The following FRMPD4 variants were observed in gnomAD, a reference collection of about 807,000 sequenced individuals.
FRMPD4 encodes the protein FERM and PDZ domain containing 4.
Under a neutral mutation model 94.1 loss-of-function variants are expected in FRMPD4, and 22 were observed. That is an observed-to-expected ratio of 0.23 (90% CI 0.17 to 0.33). The LOEUF is 0.33. FRMPD4 is among the 10% of genes least tolerant of loss of function. FRMPD4 has a pLI of 1.00. For synonymous variants in FRMPD4, 631 were observed against 548.6 expected (o/e 1.15, Z -2.10); for missense variants, 1,111 against 1,339.9 (o/e 0.83, Z 2.67).
intron 5 of FRMPD4, among the ~76,000 whole-genome samples, chrX:12,677,352 T>C (rs2059909327): frequency 9.0e-6 from 1 of 111,137 alleles, no homozygotes; most frequent in Non-Finnish European, 1.9e-5. Context: ...ATTAAAGAAT[T>C]AAAACCCCAA....
At chrX:12,483,159 G>A (rs937106457) in intron 1 of FRMPD4, among the ~76,000 whole-genome samples, 7 of 112,076 alleles carry the variant, frequency 6.2e-5, no homozygotes, top group African/African-American at 2.3e-4. Context: ...CAGAGGAGTA[G>A]GTTTGGGGGA....
intron 3 of FRMPD4, among the ~76,000 whole-genome samples, chrX:12,052,658 C>T (rs1039104837): frequency 8.9e-5 from 10 of 111,865 alleles, no homozygotes; most frequent in East Asian, 2.8e-4. Flanking sequence ...TTTATCCCCA[C>T]GGCCATTCAG....
chrX:11,858,941 A>T (rs909014092), intron 1 of FRMPD4, among the ~76,000 whole-genome samples: 1 of 111,625 alleles, frequency 9.0e-6, no homozygotes, highest in Non-Finnish European at 1.9e-5. Context: ...TAATAAGAAG[A>T]TGTGTTTATA....
chrX:11,881,077 G>A (rs913523688), intron 3 of FRMPD4, among the ~76,000 whole-genome samples: 1 of 112,495 alleles, frequency 8.9e-6, no homozygotes, highest in Non-Finnish European at 1.9e-5. Flanking sequence ...AAGTTACAAT[G>A]AGATGCCGTG....
At chrX:12,274,785 G>A (rs1017869585) in intron 1 of FRMPD4, among the ~76,000 whole-genome samples, 3 of 112,348 alleles carry the variant, frequency 2.7e-5, no homozygotes, top group African/African-American at 9.7e-5. Flanking sequence ...CGAGGCGGGC[G>A]GATCACGAGG....
In FRMPD4 at chrX:12,025,210, AT is replaced by A. The variant is rs368653830; in HGVS notation, c.95+147203del. ...ATCCTTTTCCCTTATCTCTCTTTCC[AT>A]TTTTTTTTTTCCTGGAAGATCTCAC... On this transcript the variant is annotated intron_variant, in intron 3 of 18. Coordinates refer to the FRMPD4 transcript ENST00000640291. Among the ~76,000 whole-genome samples, 963 of 99,104 alleles carry A rather than the reference AT, an allele frequency of 9.7e-3. 5 individuals carry two copies. Among genetic ancestry groups the A allele is most frequent in the Non-Finnish European group, 0.013 (629 of 48,616 alleles). The allele number at this position is 99,104 out of a possible 115,157, so 86.1% of individuals were successfully genotyped here.
At chrX:12,263,560 A>G (rs1437394659) in intron 1 of FRMPD4, among the ~76,000 whole-genome samples, 1 of 111,629 alleles carries the variant, frequency 9.0e-6, no homozygotes, top group Non-Finnish European at 1.9e-5. Context: ...TTCTGTTTTA[A>G]GAATAGAGAA....
chrX:11,847,747 T>C (rs1475610979), intron 1 of FRMPD4, among the ~76,000 whole-genome samples: 1 of 107,713 alleles, frequency 9.3e-6, no homozygotes, highest in Non-Finnish European at 1.9e-5. Context: ...ATGGATGAAA[T>C]TGGAAATCAT....
At chrX:12,285,345 C>G (rs2054585038) in intron 1 of FRMPD4, among the ~76,000 whole-genome samples, 1 of 111,975 alleles carries the variant, frequency 8.9e-6, no homozygotes, top group Admixed American at 9.4e-5. Context: ...AACATCAACT[C>G]TACAAATTTC....
intron 1 of FRMPD4, among the ~76,000 whole-genome samples, chrX:12,207,002 T>C (rs2056700222): frequency 1.8e-5 from 2 of 112,229 alleles, no homozygotes; most frequent in Admixed American, 9.4e-5. Flanking sequence ...TAGACTCTTA[T>C]AATGATCCCT....
At chrX:12,544,273 A>G (rs2058451594) in intron 2 of FRMPD4, among the ~76,000 whole-genome samples, 1 of 111,552 alleles carries the variant, frequency 9.0e-6, no homozygotes, top group South Asian at 3.8e-4. Flanking sequence ...TTATGGTGCA[A>G]CAAAACTAGT....
At chrX:11,926,184 C>A (rs1263457471) in intron 3 of FRMPD4, among the ~76,000 whole-genome samples, 1 of 103,265 alleles carries the variant, frequency 9.7e-6, no homozygotes, top group Non-Finnish European at 2.0e-5. Context: ...CAAGACCGAA[C>A]CAGAAGAAAC....
intron 1 of FRMPD4, among the ~76,000 whole-genome samples, chrX:12,285,239 A>G (rs2054583959): frequency 8.9e-6 from 1 of 111,793 alleles, no homozygotes; most frequent in African/African-American, 3.3e-5. Context: ...CCATTCATGA[A>G]GTTAGAAATC....
chrX:12,251,221 C>T (rs900387222), intron 1 of FRMPD4, among the ~76,000 whole-genome samples: 6 of 111,583 alleles, frequency 5.4e-5, no homozygotes, highest in African/African-American at 9.8e-5. Context: ...CCAGGTAGGG[C>T]GGACAATGTC....
At chrX:12,447,589 A>G (rs1347162844) in intron 1 of FRMPD4, among the ~76,000 whole-genome samples, 1 of 112,352 alleles carries the variant, frequency 8.9e-6, no homozygotes. Flanking sequence ...GTCAGATGGA[A>G]TCAATGCAAC....
At position 12,382,472 on chromosome X, in the gene FRMPD4, CTAGCA is replaced by C. The variant is rs201285510; in HGVS notation, c.42-116154_42-116150del. Among the ~76,000 whole-genome samples the C allele has an allele frequency of 3.7e-3, 300 of 80,826 alleles. 2 individuals are homozygous for C. The highest frequency in any genetic ancestry group is 0.012 in the Middle Eastern group (2 of 165). 70.2% of individuals were successfully genotyped at this position (80,826 alleles called of 115,157 possible). On this transcript the variant is annotated intron_variant, in intron 1 of 16. Transcript: ENST00000675598. The stretch of plus-strand genomic sequence containing the variant: ...TTCTCACCTACACTTGGTGACTCTC[CTAGCA>C]TAGCATAGCATAGCATAGCATAGCA...
chrX:12,561,049 G>A (rs891086878), intron 2 of FRMPD4, among the ~76,000 whole-genome samples: 2 of 110,082 alleles, frequency 1.8e-5, no homozygotes, highest in African/African-American at 3.3e-5. Flanking sequence ...GATTACAGGC[G>A]TGAGCCACCG....
intron 4 of FRMPD4, among the ~76,000 whole-genome samples, chrX:12,640,375 CTAAGCATTGCAATT>C (rs1362419819): frequency 9.4e-6 from 1 of 106,240 alleles, no homozygotes; most frequent in Non-Finnish European, 1.9e-5. Flanking sequence ...CTTATACACT[CTAAGCATTGCAATT>C]TAATATATTT....
chrX:12,303,518 A>G (rs1728124805), intron 1 of FRMPD4, among the ~76,000 whole-genome samples: 1 of 112,051 alleles, frequency 8.9e-6, no homozygotes, highest in Non-Finnish European at 1.9e-5. Context: ...GATAAATTAT[A>G]AGTTTATAGT....
Sources: allele counts gnomAD v4.1 joint callset (sites outside exome capture counted in the v4.1 genomes callset), GRCh38; gene constraint gnomAD v4.1.1; transcripts MANE v1.5; gene names NCBI Gene and HGNC (gene_info 2026-07-23, HGNC 2026-07-21).